The following ADAMTSL3 variants were observed in gnomAD, a reference collection of about 807,000 sequenced individuals.
The protein encoded by ADAMTSL3 is ADAMTS-like protein 3.
In ADAMTSL3, 128 loss-of-function variants were observed where a neutral mutation model predicts 201.7. The ratio of observed to expected loss-of-function variants is 0.63; its 90% CI spans 0.55 to 0.73. ADAMTSL3 has a LOEUF of 0.73. Among genes scored for constraint, ADAMTSL3 ranks in the 30% least tolerant of loss-of-function variants. The pLI, the probability that ADAMTSL3 is intolerant of heterozygous loss-of-function variation, is 0.00. For missense variants in ADAMTSL3, 1,990 were observed against 2,119.6 expected, an observed-to-expected ratio of 0.94 and a Z score of 1.20; for synonymous variants, 738 against 748.4, an observed-to-expected ratio of 0.99 and a Z score of 0.23.
chr15:83,953,781 G>T (rs964253031), intron 19 of ADAMTSL3, among the ~76,000 whole-genome samples: 3 of 152,104 alleles, frequency 2.0e-5, no homozygotes, highest in Non-Finnish European at 2.9e-5. Flanking sequence ...TCTCCTTAAT[G>T]CTTGAAGGAT....
Position 83,823,185 on chromosome 15 carries a change from G to T in ADAMTSL3, c.600+3138G>T, listed in dbSNP as rs1054650299. 3.0e-4 allele frequency among the ~76,000 whole-genome samples: 43 copies of T among 141,368 alleles called. No homozygotes were observed. In the South Asian group the frequency reaches 9.9e-3, roughly 32 times the overall value. 92.7% of individuals were successfully genotyped at this position (141,368 alleles called of 152,430 possible). ...TGGCTTGGCATCAGAGGGAGACCGT[G>T]GGGAGAGGGAGAGGGTGAGGGAGAG... On this transcript the variant is annotated intron_variant, in intron 6 of 29. Coordinates refer to ENST00000286744, the MANE Select transcript of ADAMTSL3 (RefSeq NM_207517.3).
intron 2 of ADAMTSL3, among the ~76,000 whole-genome samples, chr15:83,663,500 A>T (rs537244939): frequency 4.6e-5 from 7 of 152,312 alleles, no homozygotes; most frequent in African/African-American, 1.7e-4. Flanking sequence ...TGAACATCTC[A>T]TGCTCACATC....
chr15:83,887,900 AT>A (rs900738366), intron 10 of ADAMTSL3, among the ~76,000 whole-genome samples: 1 of 151,580 alleles, frequency 6.6e-6, no homozygotes, highest in African/African-American at 2.4e-5. Flanking sequence ...TCAAACATCT[AT>A]TTTTTTTTAA....
intron 17 of ADAMTSL3, among the ~76,000 whole-genome samples, chr15:83,936,272 G>A (rs1260483386): frequency 3.3e-5 from 5 of 151,168 alleles, no homozygotes; most frequent in South Asian, 2.1e-4. Context: ...GTCTAGAGTT[G>A]TTAAATAGGG....
intron 3 of ADAMTSL3, among the ~76,000 whole-genome samples, chr15:83,716,366 A>T (rs1010576531): frequency 1.4e-5 from 2 of 140,648 alleles, no homozygotes; most frequent in South Asian, 2.3e-4. Flanking sequence ...CACACACACA[A>T]ATTAGCTAGG....
intron 2 of ADAMTSL3, among the ~76,000 whole-genome samples, chr15:83,695,621 A>G (rs904238518): frequency 1.3e-5 from 2 of 152,206 alleles, no homozygotes; most frequent in Non-Finnish European, 2.9e-5. Context: ...GGTCTTTTAA[A>G]TGAACAATAT....
At chr15:83,909,827 C>G (rs1009060158) in intron 15 of ADAMTSL3, among the ~76,000 whole-genome samples, 1 of 151,926 alleles carries the variant, frequency 6.6e-6, no homozygotes, top group Non-Finnish European at 1.5e-5. Context: ...TGTTGGCCAG[C>G]CTAGTCTTGA....
At chr15:83,807,973 G>A (rs1035017293) in intron 5 of ADAMTSL3, among the ~76,000 whole-genome samples, 2 of 152,122 alleles carry the variant, frequency 1.3e-5, no homozygotes, top group African/African-American at 2.4e-5. Flanking sequence ...CTCTCACCGT[G>A]TACAAAATCC....
At chr15:83,659,810 G>A (rs1018340446) in intron 2 of ADAMTSL3, among the ~76,000 whole-genome samples, 3 of 152,196 alleles carry the variant, frequency 2.0e-5, no homozygotes, top group African/African-American at 4.8e-5. Context: ...TACCATGGAA[G>A]CCAGAGACTG....
Position 83,714,656 on chromosome 15 carries a change from TCTCCCTTCCTCCCTCCCTCCCTCC to T in ADAMTSL3, c.189+10163_189+10186del, listed in dbSNP as rs913683088. 3.6e-4 allele frequency among the ~76,000 whole-genome samples: 55 copies of T among 151,476 alleles called. 1 individual carries two copies. Among genetic ancestry groups the T allele is most frequent in the Non-Finnish European group, 6.8e-4 (46 of 67,694 alleles). ...CCTCCTGCTTTCCTTTCTTTCTCTC[TCTCCCTTCCTCCCTCCCTCCCTCC>T]CTCCCTTCCTCCCTTCCTTCCTTCC... On this transcript the variant is annotated intron_variant, in intron 3 of 29. Coordinates refer to ENST00000286744, the MANE Select transcript of ADAMTSL3 (RefSeq NM_207517.3).
At chr15:83,991,048 C>T (rs947312630) in intron 22 of ADAMTSL3, 38 bp from the exon 23 acceptor site, 4 of 1,613,408 alleles carry the variant, frequency 2.5e-6, no homozygotes, top group Middle Eastern at 1.7e-4. Flanking sequence ...GAGCAAAAGC[C>T]TGAACCTAAC....
Position 83,982,962 on chromosome 15 carries a change from G to A in ADAMTSL3, c.3334G>A (p.Val1112Ile). The A allele has an allele frequency of 6.2e-7, 1 of 1,614,128 alleles. No homozygotes were observed. Residue 1112 changes from valine to isoleucine, a missense_variant, in exon 21 of 30, where the codon GTC (valine) becomes ATC (isoleucine). Coordinates refer to ENST00000286744, the MANE Select transcript of ADAMTSL3 (RefSeq NM_207517.3). ...NMSQLMETGE[V>I]SDDLASQLIY... ...GAGTCAGCTCATGGAAACCGGAGAG[G>A]TCAGCGATGATCTTGCGTCCCAGCT...
At position 84,032,482 on chromosome 15, in the gene ADAMTSL3, T is replaced by C. The variant is rs78816843; in HGVS notation, c.4754+1050T>C. Among the ~76,000 whole-genome samples the C allele has an allele frequency of 9.2e-5, 14 of 152,372 alleles. No individual in the cohort carries two copies. In the East Asian group the frequency reaches 2.7e-3, roughly 29 times the overall value. On this transcript the variant is annotated intron_variant, in intron 28 of 29. Transcript: ENST00000286744. ...TTCTCAACAGACAACCTAAGTTTCC[T>C]ATTTTCCTGAGAAGATACAGACCAC...
Position 84,016,432 on chromosome 15 carries a change from G to A in ADAMTSL3, c.4206G>A (p.Lys1402=). ...TCGTATTTCTGCAAGGACATAAAAA[G>A]TACATTCTCCAGGCAACCAACACTA... ...SRIVFLQGHK[K]YILQATNTRT... The change falls in exon 25 of 30, where the codon AAG becomes AAA. Residue 1402 remains lysine, a synonymous_variant. Transcript: ENST00000286744. 1 of 1,613,946 alleles carries A rather than the reference G, an allele frequency of 6.2e-7. No individual in the cohort carries two copies. The highest frequency in any genetic ancestry group is 1.3e-5 in the African/African-American group (1 of 74,964).
chr15:83,778,008 A>G (rs1895871), intron 4 of ADAMTSL3, among the ~76,000 whole-genome samples: 28,814 of 152,150 alleles, frequency 0.19, 2,921 homozygotes, highest in East Asian at 0.41. Flanking sequence ...GACCAAGTGG[A>G]GGAAAGAATC....
At chr15:83,696,555 G>A (rs1224647922) in intron 2 of ADAMTSL3, among the ~76,000 whole-genome samples, 1 of 152,224 alleles carries the variant, frequency 6.6e-6, no homozygotes, top group Non-Finnish European at 1.5e-5. Context: ...TGGAATCTCA[G>A]TTCTTCCATC....
chr15:83,815,412 T>G (rs2063757500), intron 5 of ADAMTSL3, among the ~76,000 whole-genome samples: 2 of 152,348 alleles, frequency 1.3e-5, no homozygotes, highest in African/African-American at 4.8e-5. Context: ...TTATATTTTT[T>G]TTTGTGTGTT....
At chr15:83,921,878 G>C (rs1227686678) in intron 16 of ADAMTSL3, among the ~76,000 whole-genome samples, 1 of 151,288 alleles carries the variant, frequency 6.6e-6, no homozygotes, top group Non-Finnish European at 1.5e-5. Flanking sequence ...TAGAGATGGG[G>C]TCTCACTATG....
intron 2 of ADAMTSL3, among the ~76,000 whole-genome samples, chr15:83,674,037 A>T (rs1271984965): frequency 1.7e-4 from 23 of 139,168 alleles, no homozygotes; most frequent in Non-Finnish European, 2.8e-4. Flanking sequence ...ATAGGTTTTT[A>T]TTTTTTATTT....
Sources: allele counts gnomAD v4.1 joint callset (sites outside exome capture counted in the v4.1 genomes callset), GRCh38; gene constraint gnomAD v4.1.1; transcripts MANE v1.5; gene names NCBI Gene and HGNC (gene_info 2026-07-23, HGNC 2026-07-21).